The following RNF6 variants were observed in gnomAD, a reference collection of about 807,000 sequenced individuals.
The protein encoded by RNF6 is E3 ubiquitin-protein ligase RNF6.
RNF6 carries 21 observed loss-of-function variants against 50.1 expected under a neutral mutation model. The observed-to-expected ratio is 0.42, with a 90% confidence interval of 0.30 to 0.60. The LOEUF (loss-of-function observed/expected upper bound fraction) is 0.60. Among genes scored for constraint, RNF6 ranks in the 20% least tolerant of loss-of-function variants. The pLI is 0.20. For missense variants in RNF6, 698 were observed against 838.2 expected (o/e 0.83, Z 2.07); for synonymous variants, 255 against 291.8 (o/e 0.87, Z 1.29).
chr13:26,197,299 A>T (rs1868704071), intron 5 of RNF6, among the ~76,000 whole-genome samples: 1 of 151,948 alleles, frequency 6.6e-6, no homozygotes, highest in Non-Finnish European at 1.5e-5. Flanking sequence ...TATTTACCTT[A>T]AAAAGCTTAC....
chr13:26,206,996 T>C (rs1869137606), intron 5 of RNF6, among the ~76,000 whole-genome samples: 1 of 152,102 alleles, frequency 6.6e-6, no homozygotes, highest in Non-Finnish European at 1.5e-5. Flanking sequence ...TCTCTCTTGG[T>C]ATGTGACTGG....
At chr13:26,212,039 G>A (rs374793857), downstream of RNF6, among the ~76,000 whole-genome samples, 17 of 151,966 alleles carry the variant, frequency 1.1e-4, no homozygotes, top group East Asian at 1.5e-3. Flanking sequence ...ACCATTCTAG[G>A]GTAGATAAGT....
intron 5 of RNF6, among the ~76,000 whole-genome samples, chr13:26,179,677 C>T (rs554163509): frequency 1.3e-5 from 2 of 152,248 alleles, no homozygotes; most frequent in South Asian, 4.1e-4. Context: ...CAATGCATTC[C>T]CCCAAACCAG....
chr13:26,181,192 C>T (rs139631937), intron 5 of RNF6, among the ~76,000 whole-genome samples: 12 of 152,286 alleles, frequency 7.9e-5, no homozygotes, highest in Non-Finnish European at 1.6e-4. Flanking sequence ...GGAAAAGCAG[C>T]ACCAGGGAAA....
At chr13:26,148,205 A>G (rs1318299931) in intron 5 of RNF6, among the ~76,000 whole-genome samples, 1 of 152,042 alleles carries the variant, frequency 6.6e-6, no homozygotes, top group Non-Finnish European at 1.5e-5. Context: ...GAACTCACTC[A>G]CTATCATGAG....
chr13:26,191,198 T>A (rs1868436320), intron 5 of RNF6, among the ~76,000 whole-genome samples: 1 of 147,584 alleles, frequency 6.8e-6, no homozygotes, highest in South Asian at 2.2e-4. Context: ...TGGCCATCTG[T>A]TTAGAAGGAA....
At chr13:26,217,531 C>T (rs867696174) in intron 4 of RNF6, among the ~76,000 whole-genome samples, 2 of 152,200 alleles carry the variant, frequency 1.3e-5, no homozygotes, top group African/African-American at 2.4e-5. Context: ...CACGCTAGTG[C>T]GTGGACCTCC....
chr13:26,171,039 C>G (rs1393496804), intron 5 of RNF6, among the ~76,000 whole-genome samples: 1 of 152,044 alleles, frequency 6.6e-6, no homozygotes, highest in Non-Finnish European at 1.5e-5. Context: ...GCACAGGCAA[C>G]AAGAGAAAAT....
Position 26,214,803 on chromosome 13 carries a change from C to T in RNF6, c.1079G>A (p.Arg360Lys), listed in dbSNP as rs2137754683. The change falls in exon 5 of 5, where the codon AGA becomes AAA. Residue 360 changes from arginine to lysine, a missense_variant. Coordinates refer to ENST00000381588, the MANE Select transcript of RNF6 (RefSeq NM_005977.4). ...AGAGAATGGGGTATATGCAGTACCT[C>T]TGCGTTCTCGTTCTCTATCTTGCTC... ...FLEQDRERERRGTAYTPFSNS... is the reference protein window; with the variant it reads ...FLEQDRERERKGTAYTPFSNS... The T allele has an allele frequency of 6.2e-7, 1 of 1,614,218 alleles. No individual in the cohort carries two copies. The highest frequency in any genetic ancestry group is 8.5e-7 in the Non-Finnish European group (1 of 1,180,040).
Position 26,215,005 on chromosome 13 carries a change from T to G in RNF6, c.877A>C (p.Asn293His), listed in dbSNP as rs1869708096. The G allele has an allele frequency of 6.2e-7, 1 of 1,614,100 alleles. No homozygotes were observed. Among genetic ancestry groups the G allele is most frequent in the Admixed American group, 1.7e-5 (1 of 60,004 alleles). ...ATTGGCTCTAATCTTTGGTTTGTAT[T>G]CCTCACTGTAACATTACTTCTAGCC... ...NGARSNVTVR[N>H]TNQRLEPIRL... The change falls in exon 5 of 5, where the codon AAT becomes CAT. Residue 293 changes from asparagine (N) to histidine (H), a missense_variant. Asn to His is a moderately conservative substitution (Grantham distance 68). Transcript: ENST00000381588.
intron 5 of RNF6, among the ~76,000 whole-genome samples, chr13:26,207,197 A>G (rs1869146096): frequency 6.6e-6 from 1 of 151,672 alleles, no homozygotes; most frequent in South Asian, 2.1e-4. Context: ...GCCAGAGGGG[A>G]AAGGCCATTT....
intron 5 of RNF6, among the ~76,000 whole-genome samples, chr13:26,162,929 ATTTG>A (rs1415496268): frequency 1.3e-5 from 2 of 152,248 alleles, no homozygotes; most frequent in African/African-American, 4.8e-5. Context: ...ATTTTTAAAT[ATTTG>A]TTTTATTGTG....
At chr13:26,135,877 T>C (rs1870623238) in intron 5 of RNF6, among the ~76,000 whole-genome samples, 1 of 152,104 alleles carries the variant, frequency 6.6e-6, no homozygotes, top group East Asian at 1.9e-4. Flanking sequence ...GACTGGCACC[T>C]CCTCCCTCGC....
chr13:26,203,765 TC>T (rs1279857351), intron 5 of RNF6, among the ~76,000 whole-genome samples: 3 of 151,960 alleles, frequency 2.0e-5, no homozygotes, highest in Non-Finnish European at 4.4e-5. Flanking sequence ...ATCGAGACCA[TC>T]CTGGCTAACA....
At chr13:26,134,854 G>A (rs1870571384) in intron 5 of RNF6, among the ~76,000 whole-genome samples, 1 of 152,128 alleles carries the variant, frequency 6.6e-6, no homozygotes, top group Non-Finnish European at 1.5e-5. Context: ...TGGAAATGGA[G>A]AGGGTTAAAT....
rs912853125 is a variant in RNF6 at position 26,218,548 on chromosome 13, T to C, written c.252A>G (p.Ala84=). The C allele has an allele frequency of 3.1e-6, 5 of 1,613,874 alleles. No individual in the cohort carries two copies. Among genetic ancestry groups the C allele is most frequent in the African/African-American group, 1.3e-5 (1 of 74,934 alleles). Residue 84 remains alanine (A), a synonymous_variant, in exon 4 of 5, where the codon GCA becomes GCG. Transcript: ENST00000381588. Reference sequence around the variant, plus strand: ...TTCCATCTCTCAAGTCAGGCTGAGATGCTAGTTGTTCCTTGACGCCATCTA... The same window carrying C: ...TTCCATCTCTCAAGTCAGGCTGAGACGCTAGTTGTTCCTTGACGCCATCTA... ...QRLDGVKEQL[A]SQPDLRDGTN...
chr13:26,214,021 GCT>G lies in RNF6; in HGVS notation c.1859_1860del (p.Glu620AlafsTer2). On this transcript the variant is annotated frameshift_variant, in exon 5 of 5. Transcript: ENST00000381588. LOFTEE classifies it high-confidence loss of function. ...QIDNLSTRHY[E>X]HNSIDSELGK... ...CCTAGTTCACTATCAATACTGTTAT[GCT>G]CATAGTGCCTGGTGGAAAGATTGTC... The G allele has an allele frequency of 1.9e-6, 3 of 1,614,166 alleles. No homozygotes were observed. The highest frequency in any genetic ancestry group is 2.5e-6 in the Non-Finnish European group (3 of 1,180,026).
At chr13:26,167,251 TA>T (rs1300871809) in intron 5 of RNF6, among the ~76,000 whole-genome samples, 1 of 152,154 alleles carries the variant, frequency 6.6e-6, no homozygotes, top group Non-Finnish European at 1.5e-5. Context: ...GGAACCTATC[TA>T]GAGTAAATAG....
intron 5 of RNF6, among the ~76,000 whole-genome samples, chr13:26,189,886 C>T (rs1868392137): frequency 6.6e-6 from 1 of 152,216 alleles, no homozygotes; most frequent in Non-Finnish European, 1.5e-5. Context: ...GACAGTTTAG[C>T]ATTTTGGATT....
Sources: allele counts gnomAD v4.1 joint callset (sites outside exome capture counted in the v4.1 genomes callset), GRCh38; gene constraint gnomAD v4.1.1; transcripts MANE v1.5; gene names NCBI Gene and HGNC (gene_info 2026-07-23, HGNC 2026-07-21).